The following GRM5 variants were observed in gnomAD, a reference collection of about 807,000 sequenced individuals.
GRM5 encodes glutamate metabotropic receptor 5.
A neutral mutation model predicts 83.1 loss-of-function variants in GRM5; 19 were observed. The observed-to-expected ratio is 0.23, with a 90% CI of 0.16 to 0.34. The LOEUF is 0.34. Among genes scored for constraint, GRM5 ranks in the 10% least tolerant of loss-of-function variants. GRM5 has a pLI of 1.00. For synonymous variants in GRM5, 675 were observed against 633.6 expected (o/e 1.07, Z -0.98); for missense variants, 1,160 against 1,588.3 (o/e 0.73, Z 4.58).
At chr11:88,663,307 G>A (rs1467250736) in intron 3 of GRM5, among the ~76,000 whole-genome samples, 2 of 152,116 alleles carry the variant, frequency 1.3e-5, no homozygotes, top group African/African-American at 4.8e-5. Context: ...ATCTCCTCTG[G>A]TTTAATGTCT....
intron 8 of GRM5, among the ~76,000 whole-genome samples, chr11:88,562,152 T>C (rs1942772322): frequency 6.6e-6 from 1 of 152,286 alleles, no homozygotes; most frequent in East Asian, 1.9e-4. Flanking sequence ...TGCAAAATGA[T>C]AGAAAGAGTT....
At chr11:88,947,291 C>T (rs1938311318) in intron 2 of GRM5, among the ~76,000 whole-genome samples, 1 of 152,114 alleles carries the variant, frequency 6.6e-6, no homozygotes, top group African/African-American at 2.4e-5. Context: ...TTGGTATGCT[C>T]ATTTTTTTCT....
rs201309548 is a variant in GRM5 at position 89,046,305 on chromosome 11, CAAT to C, written c.661+904_661+906del. On this transcript the variant is annotated intron_variant, in intron 2 of 9. Transcript: ENST00000305447. The stretch of plus-strand genomic sequence containing the variant: ...AGAATTTTAAGAATCTCAACAAATA[CAAT>C]AATTCGATGATTTATAAAAAGTATT... Among the ~76,000 whole-genome samples, 392 of 152,168 alleles carry C rather than the reference CAAT, an allele frequency of 2.6e-3. 3 individuals are homozygous for C. The highest frequency in any genetic ancestry group is 9.0e-3 in the African/African-American group (372 of 41,526).
intron 2 of GRM5, among the ~76,000 whole-genome samples, chr11:89,023,230 A>G (rs1008196212): frequency 6.6e-6 from 1 of 151,972 alleles, no homozygotes; most frequent in African/African-American, 2.4e-5. Flanking sequence ...ATGATGAAGA[A>G]TCTTTCATAC....
chr11:88,836,620 T>C (rs1827115), intron 3 of GRM5, among the ~76,000 whole-genome samples: 19,919 of 151,918 alleles, frequency 0.13, 2,847 homozygotes, highest in African/African-American at 0.36. Context: ...GGCAAAAGCT[T>C]GTCTCTAATA....
At chr11:88,991,343 C>T (rs912614734) in intron 2 of GRM5, among the ~76,000 whole-genome samples, 5 of 151,946 alleles carry the variant, frequency 3.3e-5, no homozygotes, top group African/African-American at 7.3e-5. Flanking sequence ...CTACAAACCA[C>T]TGCTCAAGGA....
At chr11:88,967,902 G>C (rs1420132655) in intron 2 of GRM5, among the ~76,000 whole-genome samples, 1 of 152,038 alleles carries the variant, frequency 6.6e-6, no homozygotes, top group Admixed American at 6.6e-5. Context: ...TCCATTGGAT[G>C]ATACAACAGA....
chr11:88,719,967 C>T (rs909168256), intron 3 of GRM5, among the ~76,000 whole-genome samples: 9 of 151,992 alleles, frequency 5.9e-5, no homozygotes, highest in Non-Finnish European at 8.8e-5. Context: ...GGTATTAGAC[C>T]TTTGTCAGAT....
chr11:88,872,278 C>T (rs1944782344), intron 2 of GRM5, among the ~76,000 whole-genome samples: 1 of 151,460 alleles, frequency 6.6e-6, no homozygotes, highest in East Asian at 1.9e-4. Context: ...AAGGCACTAA[C>T]ACAGTGTAAT....
chr11:88,722,023 G>C (rs1167986687), intron 3 of GRM5, among the ~76,000 whole-genome samples: 2 of 152,074 alleles, frequency 1.3e-5, no homozygotes, highest in Admixed American at 6.6e-5. Flanking sequence ...CCCGACACTG[G>C]GTATTTGGTC....
At chr11:88,563,720 G>A (rs1942808932) in intron 8 of GRM5, among the ~76,000 whole-genome samples, 1 of 152,116 alleles carries the variant, frequency 6.6e-6, no homozygotes, top group African/African-American at 2.4e-5. Flanking sequence ...CACAACTCAG[G>A]GAAGCAATTT....
chr11:88,772,217 T>C (rs1041198930), intron 3 of GRM5, among the ~76,000 whole-genome samples: 1 of 152,036 alleles, frequency 6.6e-6, no homozygotes, highest in African/African-American at 2.4e-5. Flanking sequence ...TAATATGTGA[T>C]TGGTAAAAAC....
chr11:88,529,152 G>T (rs1037617983), intron 8 of GRM5, among the ~76,000 whole-genome samples: 3 of 151,898 alleles, frequency 2.0e-5, no homozygotes, highest in East Asian at 1.9e-4. Context: ...TACCAGGCAG[G>T]TTTAGTTGAC....
chr11:88,984,384 A>G (rs1414842126), intron 2 of GRM5, among the ~76,000 whole-genome samples: 1 of 152,172 alleles, frequency 6.6e-6, no homozygotes, highest in Admixed American at 6.5e-5. Context: ...TAGGCTGTAC[A>G]GATTTGTAGC....
intron 2 of GRM5, among the ~76,000 whole-genome samples, chr11:89,019,350 T>C (rs1940928383): frequency 6.6e-6 from 1 of 152,224 alleles, no homozygotes; most frequent in African/African-American, 2.4e-5. Flanking sequence ...GTCAGCTTTT[T>C]CCACCATTCC....
chr11:88,647,354 A>C (rs540214481), intron 4 of GRM5, among the ~76,000 whole-genome samples: 1 of 114,132 alleles, frequency 8.8e-6, no homozygotes, highest in African/African-American at 2.5e-5. Flanking sequence ...AAAAAGTATA[A>C]GACACTCCTT....
At chr11:88,996,582 G>A (rs544977689) in intron 2 of GRM5, among the ~76,000 whole-genome samples, 2 of 152,186 alleles carry the variant, frequency 1.3e-5, no homozygotes, top group African/African-American at 2.4e-5. Context: ...TTTTAGTGGG[G>A]TACTTCCATG....
At chr11:88,746,498 G>T (rs1189829313) in intron 3 of GRM5, among the ~76,000 whole-genome samples, 1 of 151,718 alleles carries the variant, frequency 6.6e-6, no homozygotes, top group East Asian at 1.9e-4. Flanking sequence ...TTCCTATACT[G>T]GAGACTATAG....
At chr11:89,057,704 G>C (rs1399128479) in intron 1 of GRM5, among the ~76,000 whole-genome samples, 1 of 152,034 alleles carries the variant, frequency 6.6e-6, no homozygotes, top group Non-Finnish European at 1.5e-5. Flanking sequence ...GCCTTCAGCT[G>C]ATTTCTTGTT....
Sources: gnomAD v4.1 joint callset for allele counts (sites outside exome capture counted in the v4.1 genomes callset) on GRCh38, gnomAD v4.1.1 for gene constraint, MANE v1.5 for transcripts, NCBI Gene and HGNC (gene_info 2026-07-23, HGNC 2026-07-21) for gene names.